Variants in CCDC30 observed in about 807,000 individuals in gnomAD.
The protein encoded by CCDC30 is coiled-coil domain-containing protein 30.
A neutral mutation model predicts 100.2 loss-of-function variants in CCDC30; 70 were observed. The ratio of observed to expected loss-of-function variants is 0.70; its 90% CI spans 0.58 to 0.85. CCDC30 has a LOEUF of 0.85. Among genes scored for constraint, CCDC30 ranks in the 40% least tolerant of loss-of-function variants. The probability of loss-of-function intolerance (pLI) is 0.00; values close to 1 mark genes in which losing one functional copy is unlikely to be tolerated. For synonymous variants in CCDC30, 233 were observed against 269.5 expected (o/e 0.86, Z 1.33); for missense variants, 652 against 771.2 (o/e 0.85, Z 1.83).
At chr1:42,505,396 G>C (rs1644378818) in intron 6 of CCDC30, among the ~76,000 whole-genome samples, 1 of 151,870 alleles carries the variant, frequency 6.6e-6, no homozygotes, top group African/African-American at 2.4e-5. Flanking sequence ...GAATAAGCAG[G>C]GCTAGCCTAA....
intron 1 of CCDC30, among the ~76,000 whole-genome samples, chr1:42,479,609 G>C (rs534337025): frequency 2.7e-5 from 4 of 147,720 alleles, no homozygotes; most frequent in Admixed American, 6.7e-5. Context: ...TCGAAGTTCT[G>C]TTCCCCACTG....
intron 7 of CCDC30, among the ~76,000 whole-genome samples, chr1:42,568,473 T>C (rs1476285149): frequency 6.6e-6 from 1 of 152,160 alleles, no homozygotes; most frequent in Non-Finnish European, 1.5e-5. Context: ...ACTTTATGGA[T>C]GAGGAAACTG....
At chr1:42,577,891 C>T (rs1236965237) in intron 8 of CCDC30, among the ~76,000 whole-genome samples, 2 of 152,100 alleles carry the variant, frequency 1.3e-5, no homozygotes, top group Admixed American at 6.5e-5. Context: ...CCACCCGCCT[C>T]GGCCTCCCAA....
intron 6 of CCDC30, among the ~76,000 whole-genome samples, chr1:42,523,050 A>G (rs1324770240): frequency 1.3e-5 from 2 of 151,900 alleles, no homozygotes; most frequent in Non-Finnish European, 2.9e-5. Flanking sequence ...GGCTGGTCAC[A>G]AACTCCTGAC....
At chr1:42,636,170 A>G (rs1263241208) in intron 11 of CCDC30, among the ~76,000 whole-genome samples, 2 of 152,066 alleles carry the variant, frequency 1.3e-5, no homozygotes, top group African/African-American at 4.8e-5. Context: ...CTGTAATCCC[A>G]GCACTTTGGG....
At chr1:42,456,880 G>T in the CCDC30 span, 1 of 1,613,122 alleles carries the variant, frequency 6.2e-7, no homozygotes. Flanking sequence ...TGTCCGCTCT[G>T]CGGCCTTCGG....
intron 3 of CCDC30, 76 bp downstream of exon 3, chr1:42,482,892 A>T: frequency 7.0e-6 from 3 of 426,828 alleles, no homozygotes; most frequent in Non-Finnish European, 6.4e-6. Context: ...GGAACATGAG[A>T]AAAAAAAAAA....
intron 6 of CCDC30, among the ~76,000 whole-genome samples, chr1:42,550,240 C>T (rs943938859): frequency 6.6e-6 from 1 of 152,090 alleles, no homozygotes; most frequent in Admixed American, 6.5e-5. Context: ...CTGTTGCTAC[C>T]CTACTCCATA....
downstream of CCDC30, among the ~76,000 whole-genome samples, chr1:42,656,651 C>A (rs1648673119): frequency 6.6e-6 from 1 of 151,960 alleles, no homozygotes. Flanking sequence ...ATAATAAATA[C>A]ATAAATAATA....
chr1:42,475,375 CA>C (rs1643871665), intron 1 of CCDC30, among the ~76,000 whole-genome samples: 1 of 152,004 alleles, frequency 6.6e-6, no homozygotes, highest in South Asian at 2.1e-4. Context: ...GAAAATTATG[CA>C]AACTGTATTT....
At position 42,596,935 on chromosome 1, in the gene CCDC30, C is replaced by T. The variant is rs188373039; in HGVS notation, c.1164+7452C>T. 6.6e-4 allele frequency among the ~76,000 whole-genome samples: 100 copies of T among 152,016 alleles called. No individual in the cohort carries two copies. The highest frequency in any genetic ancestry group is 2.3e-3 in the African/African-American group (94 of 41,470). On this transcript the variant is annotated intron_variant, in intron 10 of 16. Coordinates refer to ENST00000668663, the Ensembl canonical transcript of CCDC30. The surrounding 1 kb of genome is among the most constrained non-coding windows in gnomAD (Gnocchi z 4.3). ...CAATGCAAGCAGAGAGAGGGAAATC[C>T]TAAGAAAGAACCACATAGAAATTCC...
chr1:42,474,301 T>C (rs1643854893), intron 1 of CCDC30, among the ~76,000 whole-genome samples: 2 of 152,200 alleles, frequency 1.3e-5, no homozygotes, highest in African/African-American at 4.8e-5. Flanking sequence ...TGCTTTGAGC[T>C]TGAAATTTCT....
At chr1:42,579,566 G>A (rs1043625848) in intron 8 of CCDC30, among the ~76,000 whole-genome samples, 5 of 152,086 alleles carry the variant, frequency 3.3e-5, no homozygotes, top group African/African-American at 1.2e-4. Flanking sequence ...CCCGGGAGGT[G>A]GAGGTTGCAG....
At chr1:42,469,599 A>G (rs1374397990) in intron 1 of CCDC30, among the ~76,000 whole-genome samples, 2 of 152,172 alleles carry the variant, frequency 1.3e-5, no homozygotes, top group Non-Finnish European at 2.9e-5. Context: ...GAACATACAG[A>G]AAAGAAAATG....
At chr1:42,645,734 T>C (rs1647829973) in intron 14 of CCDC30, among the ~76,000 whole-genome samples, 1 of 152,212 alleles carries the variant, frequency 6.6e-6, no homozygotes, top group South Asian at 2.1e-4. Context: ...TCCAGTAATT[T>C]ATGTCTTTCC....
chr1:42,519,687 G>C (rs1644606662), intron 6 of CCDC30, among the ~76,000 whole-genome samples: 1 of 152,138 alleles, frequency 6.6e-6, no homozygotes, highest in Non-Finnish European at 1.5e-5. Flanking sequence ...AAGTACCTGG[G>C]ATTACAGGCA....
chr1:42,512,242 G>T (rs1308130616), intron 6 of CCDC30, among the ~76,000 whole-genome samples: 1 of 152,184 alleles, frequency 6.6e-6, no homozygotes, highest in Admixed American at 6.5e-5. Flanking sequence ...TCCAGTGTGG[G>T]CGTCAAGGGC....
chr1:42,495,233 A>C (rs1434039942), intron 4 of CCDC30, among the ~76,000 whole-genome samples: 1 of 151,796 alleles, frequency 6.6e-6, no homozygotes, highest in Non-Finnish European at 1.5e-5. Context: ...GGAAATCATC[A>C]TTCTCAGTAA....
At chr1:42,550,274 T>G (rs1272117458) in intron 6 of CCDC30, among the ~76,000 whole-genome samples, 3 of 152,234 alleles carry the variant, frequency 2.0e-5, no homozygotes, top group Non-Finnish European at 4.4e-5. Context: ...TCATCAGGAC[T>G]GTTACATATC....
Sources: gnomAD v4.1 joint callset for allele counts (sites outside exome capture counted in the v4.1 genomes callset) on GRCh38, gnomAD v4.1.1 for gene constraint, Gnocchi (gnomAD v3.1) non-coding constraint, MANE v1.5 for transcripts, NCBI Gene and HGNC (gene_info 2026-07-23, HGNC 2026-07-21) for gene names.